The following CEP120 variants were observed in gnomAD, a reference collection of about 807,000 sequenced individuals.
CEP120 encodes the protein centrosomal protein of 120 kDa.
CEP120 carries 113 observed loss-of-function variants against 126.5 expected under a neutral mutation model. That is an observed-to-expected ratio of 0.89 (90% CI 0.77 to 1.04). The LOEUF is 1.04. Among genes scored for constraint, CEP120 ranks in the 50% least tolerant of loss-of-function variants. The probability of loss-of-function intolerance (pLI) is 0.00; values close to 1 mark genes in which losing one functional copy is unlikely to be tolerated. For synonymous variants in CEP120, 400 were observed against 394.3 expected (o/e 1.01, Z -0.17); for missense variants, 1,230 against 1,155.7 (o/e 1.06, Z -0.93).
chr5:123,417,558 A>G (rs929867181), intron 2 of CEP120, among the ~76,000 whole-genome samples: 1 of 152,120 alleles, frequency 6.6e-6, no homozygotes, highest in African/African-American at 2.4e-5. Context: ...AATTACTTTC[A>G]TAACTTTTCA....
At chr5:123,381,113 T>C (rs983741418) in intron 14 of CEP120, among the ~76,000 whole-genome samples, 2 of 152,136 alleles carry the variant, frequency 1.3e-5, no homozygotes, top group African/African-American at 4.8e-5. Flanking sequence ...TGGCCCTCCT[T>C]TATAAACACA....
At chr5:123,369,382 G>A (rs1770693460) in intron 17 of CEP120, among the ~76,000 whole-genome samples, 1 of 152,020 alleles carries the variant, frequency 6.6e-6, no homozygotes, top group African/African-American at 2.4e-5. Context: ...CTAAGTGGCA[G>A]AGCTAGGATT....
chr5:123,348,223 T>G (rs2126961282), intron 19 of CEP120, among the ~76,000 whole-genome samples: 1 of 152,352 alleles, frequency 6.6e-6, no homozygotes, highest in East Asian at 1.9e-4. Flanking sequence ...ATATTTAATC[T>G]TGTTGGTTTC....
chr5:123,351,177 AGTCT>A (rs1219996255), intron 18 of CEP120, among the ~76,000 whole-genome samples: 1 of 152,218 alleles, frequency 6.6e-6, no homozygotes, highest in African/African-American at 2.4e-5. Flanking sequence ...GAATCCCAGA[AGTCT>A]GTGTCTCCTC....
At chr5:123,351,847 T>G (rs1226438853) in intron 18 of CEP120, among the ~76,000 whole-genome samples, 1 of 152,154 alleles carries the variant, frequency 6.6e-6, no homozygotes, top group African/African-American at 2.4e-5. Context: ...AAAGTTCAGA[T>G]TTTGAAGCAT....
At chr5:123,403,672 A>G (rs1773435856) in intron 4 of CEP120, 1 of 402,946 alleles carries the variant, frequency 2.5e-6, no homozygotes, top group South Asian at 1.8e-5. Flanking sequence ...CAGAAATAGG[A>G]CAAATCAAAA....
At chr5:123,413,660 G>C (rs1457740312) in intron 3 of CEP120, among the ~76,000 whole-genome samples, 4 of 152,182 alleles carry the variant, frequency 2.6e-5, no homozygotes, top group East Asian at 1.9e-4. Context: ...GTTATATAAA[G>C]ACATAATAAA....
intron 4 of CEP120, among the ~76,000 whole-genome samples, 191 bp from the exon 5 acceptor site, chr5:123,399,475 T>C (rs1224480786): frequency 6.6e-6 from 1 of 152,254 alleles, no homozygotes; most frequent in Non-Finnish European, 1.5e-5. Context: ...TCTTTCTGTA[T>C]GTAAAAGTAA....
intron 16 of CEP120, among the ~76,000 whole-genome samples, chr5:123,375,040 T>A (rs542960870): frequency 6.6e-6 from 1 of 152,230 alleles, no homozygotes; most frequent in East Asian, 1.9e-4. Context: ...ACCAGTCTAG[T>A]TAGAATTGTG....
At chr5:123,348,924 C>G (rs1216306790) in intron 19 of CEP120, among the ~76,000 whole-genome samples, 1 of 152,108 alleles carries the variant, frequency 6.6e-6, no homozygotes, top group Non-Finnish European at 1.5e-5. Flanking sequence ...GCCTCTAGTA[C>G]TGTGAGAAAA....
intron 17 of CEP120, among the ~76,000 whole-genome samples, chr5:123,370,021 A>C (rs1770737138): frequency 6.6e-6 from 1 of 152,044 alleles, no homozygotes; most frequent in Non-Finnish European, 1.5e-5. Flanking sequence ...TGAATAAATG[A>C]ATATATGAAA....
In CEP120 at chr5:123,391,116, G is replaced by A. The variant is rs1487467440; in HGVS notation, c.1032C>T (p.Asp344=). The part of the protein sequence containing the change: ...VSVALQREGI[D]SQSLIELKTQ... ...AAGGAGGGCCACTACTTGCCTGGGA[G>A]TCTATGCCTTCTCTCTGCAGAGCCA... Residue 344 remains aspartate (D), a synonymous_variant, in exon 7 of 20, where the codon GAC becomes GAT. Transcript: ENST00000306467. The A allele has an allele frequency of 1.9e-6, 3 of 1,612,704 alleles. No homozygotes were observed. Among genetic ancestry groups the A allele is most frequent in the Non-Finnish European group, 2.5e-6 (3 of 1,179,058 alleles).
At chr5:123,385,919 T>C (rs1449102753) in intron 10 of CEP120, among the ~76,000 whole-genome samples, 1 of 152,174 alleles carries the variant, frequency 6.6e-6, no homozygotes, top group Non-Finnish European at 1.5e-5. Flanking sequence ...ATTATATTTT[T>C]TGTACCACTT....
At chr5:123,351,133 C>T (rs1292686932) in intron 18 of CEP120, among the ~76,000 whole-genome samples, 3 of 152,046 alleles carry the variant, frequency 2.0e-5, no homozygotes, top group Non-Finnish European at 4.4e-5. Context: ...CAAAGTAGAC[C>T]ACTCACATAC....
chr5:123,377,260 A>T, intron 16 of CEP120, 114 bp downstream of exon 16: 1 of 916,582 alleles, frequency 1.1e-6, no homozygotes, highest in Non-Finnish European at 1.7e-6. Context: ...TAATATGATT[A>T]ATAGTCTAAA....
At chr5:123,357,855 A>T (rs1319214666) in intron 18 of CEP120, among the ~76,000 whole-genome samples, 8 of 152,072 alleles carry the variant, frequency 5.3e-5, no homozygotes, top group Admixed American at 5.2e-4. Context: ...CAAACTGAAA[A>T]ATTTAAGACA....
chr5:123,378,356 G>C lies in CEP120; in HGVS notation c.2176C>G (p.Leu726Val). Residue 726 changes from leucine to valine, a missense_variant, in exon 15 of 20, where the codon CTT becomes GTT. Leu to Val is a conservative substitution (Grantham distance 32). Coordinates refer to ENST00000306467, the MANE Select transcript of CEP120 (RefSeq NM_001375405.1). Reference protein sequence around the residue: ...LIDLEKREQQLASVESELQRE... With the variant: ...LIDLEKREQQVASVESELQRE... ...CATACCTCTGATTCCACACTAGCAA[G>C]CTGCTGCTCTCGCTTCTCCAAGTCA... The C allele has an allele frequency of 6.2e-7, 1 of 1,606,556 alleles. No individual in the cohort carries two copies. The highest frequency in any genetic ancestry group is 1.7e-5 in the Admixed American group (1 of 58,594).
At chr5:123,373,648 C>A (rs1771013070) in intron 16 of CEP120, among the ~76,000 whole-genome samples, 1 of 152,100 alleles carries the variant, frequency 6.6e-6, no homozygotes, top group Non-Finnish European at 1.5e-5. Context: ...AGGATGACAT[C>A]TTTTCAGGTT....
intron 3 of CEP120, among the ~76,000 whole-genome samples, chr5:123,415,400 A>C (rs889447453): frequency 6.6e-6 from 1 of 152,266 alleles, no homozygotes; most frequent in Admixed American, 6.5e-5. Flanking sequence ...AGGAAACATT[A>C]GAAGAGGATG....
Sources: gnomAD v4.1 joint callset for allele counts (sites outside exome capture counted in the v4.1 genomes callset) on GRCh38, gnomAD v4.1.1 for gene constraint, MANE v1.5 for transcripts, NCBI Gene and HGNC (gene_info 2026-07-23, HGNC 2026-07-21) for gene names.